Variants in MIPOL1 observed in about 807,000 individuals in gnomAD.
MIPOL1 encodes mirror-image polydactyly 1, also known as mirror-image polydactyly gene 1 protein.
MIPOL1 carries 57 observed loss-of-function variants against 60.9 expected under a neutral mutation model. That is an observed-to-expected ratio of 0.94 (90% CI 0.76 to 1.17). The LOEUF is 1.17. Among genes scored for constraint, MIPOL1 ranks in the 50% most tolerant of loss-of-function variants. The probability of loss-of-function intolerance (pLI) is 0.00; values close to 1 mark genes in which losing one functional copy is unlikely to be tolerated. For synonymous variants in MIPOL1, 179 were observed against 168.8 expected (o/e 1.06, Z -0.47); for missense variants, 551 against 511.6 (o/e 1.08, Z -0.74).
intron 11 of MIPOL1, among the ~76,000 whole-genome samples, chr14:37,446,589 A>T (rs2094338759): frequency 6.6e-6 from 1 of 152,134 alleles, no homozygotes; most frequent in Non-Finnish European, 1.5e-5. Flanking sequence ...TACCCAAAGG[A>T]TTATAAATCA....
At chr14:37,316,465 T>TG in intron 9 of MIPOL1, among the ~76,000 whole-genome samples, 1 of 152,052 alleles carries the variant, frequency 6.6e-6, no homozygotes, top group Middle Eastern at 3.2e-3. Flanking sequence ...GAGGCAACGT[T>TG]GGAGTGTTTG....
chr14:37,311,720 C>A (rs1595071162), intron 9 of MIPOL1, among the ~76,000 whole-genome samples: 1 of 151,936 alleles, frequency 6.6e-6, no homozygotes, highest in East Asian at 1.9e-4. Context: ...CATATATTAC[C>A]CAGTTTTGGT....
intron 11 of MIPOL1, among the ~76,000 whole-genome samples, chr14:37,446,944 G>A (rs2094345835): frequency 6.6e-6 from 1 of 151,774 alleles, no homozygotes; most frequent in Non-Finnish European, 1.5e-5. Context: ...GGAGTGGGGA[G>A]GGATAGCATT....
chr14:37,213,578 A>G (rs1463938276), intron 1 of MIPOL1, among the ~76,000 whole-genome samples: 1 of 152,204 alleles, frequency 6.6e-6, no homozygotes, highest in Non-Finnish European at 1.5e-5. Flanking sequence ...GGATCCAGAA[A>G]ATAGCCTCAA....
At chr14:37,337,334 ATATATATATATATATATATATATTTTTTT>A (rs1383491793) in intron 9 of MIPOL1, among the ~76,000 whole-genome samples, 1 of 17,134 alleles carries the variant, frequency 5.8e-5, no homozygotes, top group Non-Finnish European at 1.0e-4. Flanking sequence ...AAACATATAT[ATATATATATATATATATATATATTTTTTT>A]TTTTTTTTTT....
chr14:37,484,059 GTAGTATATA>G (rs1293227112), intron 11 of MIPOL1, among the ~76,000 whole-genome samples: 2 of 152,194 alleles, frequency 1.3e-5, no homozygotes, highest in Non-Finnish European at 2.9e-5. Context: ...TAAAGAAAAT[GTAGTATATA>G]TATCCAATGC....
intron 11 of MIPOL1, among the ~76,000 whole-genome samples, chr14:37,451,971 C>G (rs1045461721): frequency 6.6e-6 from 1 of 150,756 alleles, no homozygotes; most frequent in Non-Finnish European, 1.5e-5. Flanking sequence ...CCCGCCATCA[C>G]GCCCGGCTAA....
intron 11 of MIPOL1, among the ~76,000 whole-genome samples, chr14:37,482,148 G>A (rs994381557): frequency 6.6e-6 from 1 of 152,122 alleles, no homozygotes; most frequent in South Asian, 2.1e-4. Flanking sequence ...ACAGCCTATG[G>A]ATTGGGAGAA....
intron 7 of MIPOL1, among the ~76,000 whole-genome samples, chr14:37,302,912 T>C (rs954715466): frequency 6.6e-6 from 1 of 151,852 alleles, no homozygotes; most frequent in African/African-American, 2.4e-5. Flanking sequence ...GATAACCTTT[T>C]TACAAAATTT....
In MIPOL1 at chr14:37,299,151, C is replaced by T. The variant is rs564515537; in HGVS notation, c.624-8905C>T. On this transcript the variant is annotated intron_variant, in intron 7 of 12. Transcript: ENST00000684589. Reference sequence around the variant, plus strand: ...GATGAGTTCATGTCCTTTGTAGGGACATGGATGAAGCTGGAAACCATCATT... The same window carrying T: ...GATGAGTTCATGTCCTTTGTAGGGATATGGATGAAGCTGGAAACCATCATT... Among the ~76,000 whole-genome samples, 6 of 152,198 alleles carry T rather than the reference C, an allele frequency of 3.9e-5. No homozygotes were observed. In the East Asian group the frequency reaches 1.2e-3, roughly 29 times the overall value.
chr14:37,484,808 GTTATTGTATTTTCAC>G (rs1318656079), intron 11 of MIPOL1, among the ~76,000 whole-genome samples: 2 of 151,766 alleles, frequency 1.3e-5, no homozygotes, highest in South Asian at 4.2e-4. Context: ...TTTCATTTCA[GTTATTGTATTTTCAC>G]TTCTAAAATT....
At chr14:37,425,536 C>T (rs1204627574) in intron 11 of MIPOL1, among the ~76,000 whole-genome samples, 1 of 152,120 alleles carries the variant, frequency 6.6e-6, no homozygotes, top group African/African-American at 2.4e-5. Flanking sequence ...TGCAATTAGA[C>T]AGCCATGACA....
At position 37,480,277 on chromosome 14, in the gene MIPOL1, C is replaced by T. The variant is rs768124579; in HGVS notation, c.1032-19631C>T. Among the ~76,000 whole-genome samples the T allele has an allele frequency of 4.6e-5, 7 of 152,102 alleles. No individual in the cohort carries two copies. In the South Asian group the frequency reaches 1.2e-3, roughly 27 times the overall value. ...GAAAAGAAAATTACAGGCCACTATT[C>T]TTGATAACATAGATGTAAAAATTCT... On this transcript the variant is annotated intron_variant, in intron 11 of 12. Coordinates refer to ENST00000684589, the MANE Select transcript of MIPOL1 (RefSeq NM_001388067.1).
intron 1 of MIPOL1, among the ~76,000 whole-genome samples, chr14:37,213,672 G>A (rs1967088591): frequency 6.6e-6 from 1 of 152,084 alleles, no homozygotes; most frequent in African/African-American, 2.4e-5. Flanking sequence ...GGATAATAAT[G>A]GAGAAATTCC....
intron 12 of MIPOL1, among the ~76,000 whole-genome samples, chr14:37,529,839 G>A (rs1000109094): frequency 6.6e-5 from 10 of 152,134 alleles, no homozygotes; most frequent in Non-Finnish European, 4.4e-5. Flanking sequence ...TGGAGCATGA[G>A]ATCAGATAAG....
At chr14:37,336,105 GTT>G (rs139169812) in intron 9 of MIPOL1, among the ~76,000 whole-genome samples, 103,116 of 111,830 alleles carry the variant, frequency 0.92, 47,477 homozygotes, top group South Asian at 0.96. Flanking sequence ...CAAATTCATG[GTT>G]TTTTTTTTTT....
Position 37,267,115 on chromosome 14 carries a change from T to C in MIPOL1, c.197T>C (p.Ile66Thr), listed in dbSNP as rs1239563722. ...WPGQRSTNFQIISSYPDDESV... is the reference protein window; with the variant it reads ...WPGQRSTNFQTISSYPDDESV... ...GGGCAGAGATCAACGAATTTTCAGA[T>C]CATCAGTTCTTATCCAGATGATGAG... Residue 66 changes from isoleucine (I) to threonine (T), a missense_variant, in exon 4 of 13, where the codon ATC (isoleucine) becomes ACC (threonine). By Grantham distance (89) the Ile-to-Thr change is moderately conservative. Coordinates refer to ENST00000684589, the MANE Select transcript of MIPOL1 (RefSeq NM_001388067.1). 4.3e-6 allele frequency: 7 copies of C among 1,613,778 alleles called. No homozygotes were observed. The highest frequency in any genetic ancestry group is 5.9e-6 in the Non-Finnish European group (7 of 1,179,940).
At chr14:37,325,227 G>T (rs1006596036) in intron 9 of MIPOL1, among the ~76,000 whole-genome samples, 1 of 151,860 alleles carries the variant, frequency 6.6e-6, no homozygotes, top group Non-Finnish European at 1.5e-5. Context: ...GCGCTACATG[G>T]TTTAAATTGT....
chr14:37,509,224 A>C (rs1369922636), intron 12 of MIPOL1, among the ~76,000 whole-genome samples: 2 of 149,780 alleles, frequency 1.3e-5, no homozygotes, highest in Admixed American at 6.7e-5. Flanking sequence ...TTTACTCTTC[A>C]CTCCTCACTC....
Sources: allele counts gnomAD v4.1 joint callset (sites outside exome capture counted in the v4.1 genomes callset), GRCh38; gene constraint gnomAD v4.1.1; transcripts MANE v1.5; gene names NCBI Gene and HGNC (gene_info 2026-07-23, HGNC 2026-07-21).